Variants in ANKRD33B observed in about 807,000 individuals in gnomAD.
ANKRD33B encodes the protein ankyrin repeat domain-containing protein 33B.
In ANKRD33B, 6 loss-of-function variants were observed where a neutral mutation model predicts 21.5. The observed-to-expected ratio is 0.28, with a 90% confidence interval of 0.15 to 0.55. The LOEUF is 0.55. Among genes scored for constraint, ANKRD33B ranks in the 20% least tolerant of loss-of-function variants. The pLI is 0.94. For missense variants in ANKRD33B, 698 were observed against 747.2 expected, an observed-to-expected ratio of 0.93 and a Z score of 0.77; for synonymous variants, 347 against 342.4, an observed-to-expected ratio of 1.01 and a Z score of -0.15.
At chr5:10,587,950 GTT>G (rs1279703076) in intron 1 of ANKRD33B, among the ~76,000 whole-genome samples, 2 of 152,100 alleles carry the variant, frequency 1.3e-5, no homozygotes, top group Admixed American at 1.3e-4. Flanking sequence ...GGGCAGTTCT[GTT>G]TAGATCAATT....
At position 10,564,824 on chromosome 5, in the gene ANKRD33B, C is replaced by T. The variant is rs1319576486; in HGVS notation, c.357C>T (p.Arg119=). ...TCGAGGAGGCGCAGGAGACTGACCG[C>T]AACGGCAGGGTAAGCGGGCGTCCCC... ...VSVEEAQETD[R]NGRTGLIVAC... Residue 119 remains arginine, a synonymous_variant, in exon 1 of 4, where the codon CGC becomes CGT. Coordinates refer to ENST00000296657, the MANE Select transcript of ANKRD33B (RefSeq NM_001164440.2). 6.6e-7 allele frequency: 1 copy of T among 1,504,710 alleles called. No individual in the cohort carries two copies. Among genetic ancestry groups the T allele is most frequent in the East Asian group, 2.5e-5 (1 of 40,296 alleles). The allele number at this position is 1,504,710 out of a possible 1,614,324, so 93.2% of individuals were successfully genotyped here. A position where few individuals can be genotyped will look rare whatever the true frequency, so the allele number is the denominator to read the frequency against.
At chr5:10,606,384 T>C (rs1736044874) in intron 1 of ANKRD33B, among the ~76,000 whole-genome samples, 1 of 152,226 alleles carries the variant, frequency 6.6e-6, no homozygotes, top group Non-Finnish European at 1.5e-5. Flanking sequence ...ATGTCATTTC[T>C]TTATTTAAAA....
rs1735007324 is a variant in ANKRD33B, at chr5:10,564,714, G to C, written c.247G>C (p.Val83Leu). 1 of 1,533,444 alleles carries C rather than the reference G, an allele frequency of 6.5e-7. No individual in the cohort carries two copies. Among genetic ancestry groups the C allele is most frequent in the African/African-American group, 1.4e-5 (1 of 72,958 alleles). The allele number at this position is 1,533,444 out of a possible 1,614,324, so 95.0% of individuals were successfully genotyped here. A position where few individuals can be genotyped will look rare whatever the true frequency, so the allele number is the denominator to read the frequency against. The change falls in exon 1 of 4, where the codon GTC (valine) becomes CTC (leucine). Residue 83 changes from valine (V) to leucine (L), a missense_variant. By Grantham distance (32) the Val-to-Leu change is conservative. Around this residue, in one of 3 missense-constraint regions of ANKRD33B, gnomAD observed 148 missense variants for 154.9 expected, o/e 0.96. Coordinates refer to ENST00000296657, the MANE Select transcript of ANKRD33B (RefSeq NM_001164440.2). ...ESVPEGVPES[V>L]PETATLLRAA... ...CGTCCCGGAGGGCGTCCCGGAAAGC[G>C]TCCCGGAGACGGCGACCCTCCTGCG...
At chr5:10,571,887 T>G (rs1735201892) in intron 1 of ANKRD33B, among the ~76,000 whole-genome samples, 1 of 60,118 alleles carries the variant, frequency 1.7e-5, no homozygotes, top group Admixed American at 1.9e-4. Context: ...CGTATTTTCT[T>G]TTTTCTTTTT....
At chr5:10,589,061 G>A (rs1241344148) in intron 1 of ANKRD33B, among the ~76,000 whole-genome samples, 1 of 152,126 alleles carries the variant, frequency 6.6e-6, no homozygotes, top group Non-Finnish European at 1.5e-5. Context: ...ACCCTGAGCT[G>A]CTTGACCACA....
rs2126614004 is a variant in ANKRD33B at position 10,651,828 on chromosome 5, T to G, written c.*1715T>G. Reference sequence around the variant, plus strand: ...AAACTGGCCTCTCCAAATACTCCATTGAACAGGACTGCAGGCTGCACCCAG... The same window carrying G: ...AAACTGGCCTCTCCAAATACTCCATGGAACAGGACTGCAGGCTGCACCCAG... On this transcript the variant is annotated 3_prime_UTR_variant, in exon 4 of 4. Coordinates refer to ENST00000296657, the MANE Select transcript of ANKRD33B (RefSeq NM_001164440.2). The G allele has an allele frequency of 6.6e-6, 1 of 152,452 alleles. No individual in the cohort carries two copies. The highest frequency in any genetic ancestry group is 2.1e-4 in the South Asian group (1 of 4,818). The allele number at this position is 152,452 out of a possible 1,614,324, so 9.4% of individuals were successfully genotyped here. A position where few individuals can be genotyped will look rare whatever the true frequency, so the allele number is the denominator to read the frequency against.
intron 1 of ANKRD33B, 96 bp from the exon 2 acceptor site, chr5:10,618,237 C>A (rs1204058024): frequency 2.0e-6 from 3 of 1,483,572 alleles, no homozygotes; most frequent in African/African-American, 1.4e-5. Context: ...CTTGTCCAGC[C>A]CCCTGGAGGG....
intron 3 of ANKRD33B, among the ~76,000 whole-genome samples, chr5:10,645,242 TC>T (rs1182539252): frequency 6.6e-6 from 1 of 152,068 alleles, no homozygotes; most frequent in African/African-American, 2.4e-5. Flanking sequence ...CACAGTGGTC[TC>T]CTGTGGCCAG....
At chr5:10,647,891 T>C (rs1473915187) in intron 3 of ANKRD33B, among the ~76,000 whole-genome samples, 4 of 152,240 alleles carry the variant, frequency 2.6e-5, no homozygotes, top group Non-Finnish European at 5.9e-5. Context: ...TGATTATAGA[T>C]GTTAACCACA....
intron 2 of ANKRD33B, among the ~76,000 whole-genome samples, chr5:10,636,818 G>A (rs1483813791): frequency 6.6e-6 from 1 of 152,246 alleles, no homozygotes; most frequent in East Asian, 1.9e-4. Flanking sequence ...TGGTCACGAA[G>A]GAGTGAAGTC....
At chr5:10,626,908 G>A (rs1171553213) in intron 2 of ANKRD33B, among the ~76,000 whole-genome samples, 2 of 152,194 alleles carry the variant, frequency 1.3e-5, no homozygotes, top group East Asian at 1.9e-4. Flanking sequence ...ATTGTGAAGC[G>A]CAATCTTAAA....
At chr5:10,586,261 C>T (rs1488973254) in intron 1 of ANKRD33B, among the ~76,000 whole-genome samples, 2 of 152,100 alleles carry the variant, frequency 1.3e-5, no homozygotes, top group East Asian at 1.9e-4. Flanking sequence ...AGTCAGCCCT[C>T]TGTAGGTGGA....
chr5:10,590,392 G>T (rs888584474), intron 1 of ANKRD33B, among the ~76,000 whole-genome samples: 6 of 152,158 alleles, frequency 3.9e-5, no homozygotes, highest in African/African-American at 1.4e-4. Flanking sequence ...ATAAGATCTG[G>T]CCTCTTTCTG....
chr5:10,613,898 CAAAAA>C (rs34433484), intron 1 of ANKRD33B, among the ~76,000 whole-genome samples: 1 of 109,050 alleles, frequency 9.2e-6, no homozygotes, highest in African/African-American at 3.0e-5. Flanking sequence ...GACTCCATCT[CAAAAA>C]AAAAAAAAAA....
intron 3 of ANKRD33B, among the ~76,000 whole-genome samples, chr5:10,643,561 A>T (rs1388496180): frequency 6.6e-6 from 1 of 152,158 alleles, no homozygotes; most frequent in African/African-American, 2.4e-5. Context: ...CACGTCTGTA[A>T]TCTCAGCACT....
chr5:10,591,195 GTTT>G (rs112409223), intron 1 of ANKRD33B, among the ~76,000 whole-genome samples: 1 of 132,068 alleles, frequency 7.6e-6, no homozygotes, highest in Admixed American at 8.1e-5. Context: ...TTTTTTAGTG[GTTT>G]TTTTTTTTTT....
chr5:10,583,416 T>C (rs1052808310), intron 1 of ANKRD33B, among the ~76,000 whole-genome samples: 24 of 152,266 alleles, frequency 1.6e-4, no homozygotes, highest in African/African-American at 5.8e-4. Flanking sequence ...TTGGTTCTAA[T>C]AATCCTTTGC....
rs1735010400 is a variant in ANKRD33B at position 10,564,851 on chromosome 5, C to CAGG, written c.366+20_366+22dup. ...ACGGCAGGGTAAGCGGGCGTCCCCG[C>CAGG]AGGATTTGAGCCCCCTCACTGCCCC... On this transcript the variant is annotated intron_variant, in intron 1 of 3. Transcript: ENST00000296657. The CAGG allele has an allele frequency of 6.7e-7, 1 of 1,481,574 alleles. No individual in the cohort carries two copies. Among genetic ancestry groups the CAGG allele is most frequent in the African/African-American group, 1.4e-5 (1 of 71,880 alleles). The allele number at this position is 1,481,574 out of a possible 1,614,324, so 91.8% of individuals were successfully genotyped here.
intron 3 of ANKRD33B, among the ~76,000 whole-genome samples, chr5:10,641,186 GTCT>G (rs911493552): frequency 3.0e-4 from 42 of 139,718 alleles, no homozygotes; most frequent in African/African-American, 1.0e-3. Context: ...ACATTTAGTT[GTCT>G]TCTTCTTAGT....
Sources: allele counts gnomAD v4.1 joint callset (sites outside exome capture counted in the v4.1 genomes callset), GRCh38; gene constraint gnomAD v4.1.1; regional missense constraint gnomAD v4.1.1; transcripts MANE v1.5; gene names NCBI Gene and HGNC (gene_info 2026-07-23, HGNC 2026-07-21).